The following WIPF2 variants were observed in gnomAD, a reference collection of about 807,000 sequenced individuals.
WIPF2 encodes the protein WAS/WASL-interacting protein family member 2.
In WIPF2, 23 loss-of-function variants were observed where a neutral mutation model predicts 38.8. The observed-to-expected ratio is 0.59, with a 90% CI of 0.43 to 0.84. WIPF2 has a LOEUF of 0.84. Among genes scored for constraint, WIPF2 ranks in the 40% least tolerant of loss-of-function variants. The pLI, the probability that WIPF2 is intolerant of heterozygous loss-of-function variation, is 0.00. For synonymous variants in WIPF2, 210 were observed against 223.2 expected, an observed-to-expected ratio of 0.94 and a Z score of 0.53; for missense variants, 574 against 580.5, an observed-to-expected ratio of 0.99 and a Z score of 0.11.
chr17:40,258,455 GGT>G (rs2031797849), intron 2 of WIPF2, among the ~76,000 whole-genome samples: 2 of 152,172 alleles, frequency 1.3e-5, no homozygotes. Context: ...AGCTGTGCAT[GGT>G]GGCGCTTGCC....
intron 1 of WIPF2, among the ~76,000 whole-genome samples, chr17:40,226,555 C>T (rs373147806): frequency 6.6e-6 from 1 of 151,896 alleles, no homozygotes; most frequent in Non-Finnish European, 1.5e-5. Context: ...GTATGAGATG[C>T]GATGTCTGAG....
At chr17:40,275,460 C>T (rs543847204) in intron 6 of WIPF2, among the ~76,000 whole-genome samples, 3 of 152,168 alleles carry the variant, frequency 2.0e-5, no homozygotes, top group African/African-American at 7.2e-5. Flanking sequence ...TTCCTTGGTT[C>T]TGGGATGTAA....
At chr17:40,252,705 G>A (rs2031597322) in intron 1 of WIPF2, among the ~76,000 whole-genome samples, 1 of 150,248 alleles carries the variant, frequency 6.7e-6, no homozygotes, top group Admixed American at 6.6e-5. Flanking sequence ...CAGGACCTCT[G>A]GTGACTGGAA....
At chr17:40,269,993 G>A (rs1187111406) in intron 5 of WIPF2, among the ~76,000 whole-genome samples, 2 of 152,092 alleles carry the variant, frequency 1.3e-5, no homozygotes, top group African/African-American at 2.4e-5. Flanking sequence ...ACAAAAGCCT[G>A]TCTCCCATCC....
chr17:40,260,447 A>G (rs2145373064), intron 2 of WIPF2, 88 bp from the exon 3 acceptor site: 1 of 1,523,054 alleles, frequency 6.6e-7, no homozygotes, highest in Middle Eastern at 2.4e-4. Context: ...TTGGCCTCCC[A>G]AAGTGTTGGG....
intron 1 of WIPF2, among the ~76,000 whole-genome samples, chr17:40,236,700 C>T (rs1399292624): frequency 6.6e-6 from 1 of 151,776 alleles, no homozygotes; most frequent in Admixed American, 6.6e-5. Context: ...CCTCCACCTC[C>T]CTGGGTTCAA....
chr17:40,221,565 C>G (rs1372060220), intron 1 of WIPF2, among the ~76,000 whole-genome samples: 5 of 151,768 alleles, frequency 3.3e-5, no homozygotes, highest in Non-Finnish European at 5.9e-5. Context: ...AATACCCCAT[C>G]TCTCTCTCTG....
intron 1 of WIPF2, among the ~76,000 whole-genome samples, chr17:40,247,065 G>A (rs1383121770): frequency 1.3e-5 from 2 of 151,744 alleles, no homozygotes; most frequent in South Asian, 2.1e-4. Flanking sequence ...AGTGAGCCGA[G>A]ATCGTGCCAT....
intron 5 of WIPF2, among the ~76,000 whole-genome samples, chr17:40,271,698 T>G (rs2145406376): frequency 6.6e-6 from 1 of 152,274 alleles, no homozygotes; most frequent in East Asian, 1.9e-4. Flanking sequence ...ATAACCTGAG[T>G]CCCAGTTTTC....
chr17:40,263,013 G>A (rs1011048182), intron 4 of WIPF2, among the ~76,000 whole-genome samples: 2 of 152,118 alleles, frequency 1.3e-5, no homozygotes, highest in African/African-American at 4.8e-5. Flanking sequence ...GAACTCACTC[G>A]TAGAAGTAGA....
At chr17:40,268,585 G>A (rs1336029894) in intron 5 of WIPF2, among the ~76,000 whole-genome samples, 1 of 151,958 alleles carries the variant, frequency 6.6e-6, no homozygotes, top group Non-Finnish European at 1.5e-5. Context: ...CACCATGTCT[G>A]GCTCATTAAA....
chr17:40,250,055 A>G (rs970009222), intron 1 of WIPF2, among the ~76,000 whole-genome samples: 1 of 149,040 alleles, frequency 6.7e-6, no homozygotes, highest in Non-Finnish European at 1.5e-5. Context: ...GCTGGTCTCG[A>G]TCTCCTGACC....
At chr17:40,230,420 G>A (rs1322398633) in intron 1 of WIPF2, among the ~76,000 whole-genome samples, 2 of 151,770 alleles carry the variant, frequency 1.3e-5, no homozygotes, top group African/African-American at 4.8e-5. Flanking sequence ...TTTCCTGTCA[G>A]TTCTTTTACT....
At chr17:40,226,574 A>T (rs1228050788) in intron 1 of WIPF2, among the ~76,000 whole-genome samples, 1 of 152,014 alleles carries the variant, frequency 6.6e-6, no homozygotes, top group African/African-American at 2.4e-5. Context: ...AGATTTGTGG[A>T]TAAGTGGACT....
chr17:40,282,456 C>T lies in WIPF2; in HGVS notation c.*4231C>T, dbSNP rs1455705013. On this transcript the variant is annotated 3_prime_UTR_variant, in exon 8 of 8. Coordinates refer to ENST00000323571, the MANE Select transcript of WIPF2 (RefSeq NM_133264.5). ...GACTAGAATGACACGTGTGCGTGCG[C>T]ACGCGTGTGCGTGTGTGTGTTCATC... is the stretch of plus-strand genomic sequence containing the variant. The T allele has an allele frequency of 6.6e-6, 1 of 151,700 alleles. No individual in the cohort carries two copies. The highest frequency in any genetic ancestry group is 6.5e-5 in the Admixed American group (1 of 15,272). The allele number at this position is 151,700 out of a possible 1,614,324, so 9.4% of individuals were successfully genotyped here. A position where few individuals can be genotyped will look rare whatever the true frequency, so the allele number is the denominator to read the frequency against.
chr17:40,230,303 G>A (rs2030685444), intron 1 of WIPF2, among the ~76,000 whole-genome samples: 1 of 152,132 alleles, frequency 6.6e-6, no homozygotes, highest in African/African-American at 2.4e-5. Flanking sequence ...CAGCACCACT[G>A]CACTCCAACC....
intron 1 of WIPF2, among the ~76,000 whole-genome samples, chr17:40,245,249 AG>A (rs201228449): frequency 0.13 from 19,166 of 151,972 alleles, 1,317 homozygotes; most frequent in East Asian, 0.29. Flanking sequence ...TTCTTACACT[AG>A]AATGTAAGCT....
At chr17:40,221,547 A>G (rs576975898) in intron 1 of WIPF2, among the ~76,000 whole-genome samples, 2 of 151,928 alleles carry the variant, frequency 1.3e-5, no homozygotes, top group East Asian at 3.9e-4. Context: ...CATTCTGGGC[A>G]ACGTAGCAAT....
At chr17:40,222,600 T>TGTGTGTGTCTGC (rs750121581) in intron 1 of WIPF2, among the ~76,000 whole-genome samples, 49 of 149,752 alleles carry the variant, frequency 3.3e-4, no homozygotes, top group Non-Finnish European at 6.7e-4. Context: ...TGTGTGTGTG[T>TGTGTGTGTCTGC]GTGTGTCTGC....
Sources: allele counts gnomAD v4.1 joint callset (sites outside exome capture counted in the v4.1 genomes callset), GRCh38; gene constraint gnomAD v4.1.1; transcripts MANE v1.5; gene names NCBI Gene and HGNC (gene_info 2026-07-23, HGNC 2026-07-21).